Variants in MYH10 observed in about 807,000 individuals in gnomAD.
MYH10 encodes myosin-10.
A neutral mutation model predicts 257.8 loss-of-function variants in MYH10; 55 were observed. The ratio of observed to expected loss-of-function variants is 0.21; its 90% CI spans 0.17 to 0.27. The LOEUF is 0.27. Ranked by LOEUF, MYH10 falls within the 10% of genes least tolerant of loss-of-function variation. The pLI is 1.00. For missense variants in MYH10, 1,631 were observed against 2,500.6 expected (o/e 0.65, Z 7.42); for synonymous variants, 854 against 921.7 (o/e 0.93, Z 1.33).
Position 8,493,039 on chromosome 17 carries a change from C to T in MYH10, c.4210-15G>A, listed in dbSNP as rs780504653. On this transcript the variant is annotated splice_polypyrimidine_tract_variant and intron_variant, in intron 32 of 42. Transcript: ENST00000360416. ...GTATCAGCCAACTAGGTTTTGTGTA[C>T]GGACAAACAGAAAGCTCAGTATTAA... is the stretch of plus-strand genomic sequence containing the variant. 1.1e-5 allele frequency: 17 copies of T among 1,610,462 alleles called. No homozygotes were observed. Among genetic ancestry groups the T allele is most frequent in the Admixed American group, 6.7e-5 (4 of 59,316 alleles).
In MYH10 at chr17:8,574,884, T is replaced by C. The variant is rs554092560; in HGVS notation, c.663+1759A>G. On this transcript the variant is annotated intron_variant, in intron 6 of 42. Transcript: ENST00000360416. ...GGGGGAGAAGTAACTTCTTGAATGG[T>C]ACCCTTCCACGGTGTGACCATTCCG... is the stretch of plus-strand genomic sequence containing the variant. Among the ~76,000 whole-genome samples, 7 of 152,344 alleles carry C rather than the reference T, an allele frequency of 4.6e-5. No individual in the cohort carries two copies. In the South Asian group the frequency reaches 1.4e-3, roughly 32 times the overall value.
In MYH10 at chr17:8,493,028, G is replaced by C; in HGVS notation, c.4210-4C>G. 1 of 1,612,416 alleles carries C rather than the reference G, an allele frequency of 6.2e-7. No homozygotes were observed. Among genetic ancestry groups the C allele is most frequent in the Non-Finnish European group, 8.5e-7 (1 of 1,179,574 alleles). On this transcript the variant is annotated splice_polypyrimidine_tract_variant and splice_region_variant and intron_variant, in intron 32 of 42. Transcript: ENST00000360416. Reference sequence around the variant, plus strand: ...CTTTCTTCTTGGTATCAGCCAACTAGGTTTTGTGTACGGACAAACAGAAAG... The same window carrying C: ...CTTTCTTCTTGGTATCAGCCAACTACGTTTTGTGTACGGACAAACAGAAAG...
At chr17:8,528,296 T>G (rs1434842655) in intron 17 of MYH10, among the ~76,000 whole-genome samples, 1 of 152,196 alleles carries the variant, frequency 6.6e-6, no homozygotes, top group African/African-American at 2.4e-5. Context: ...CCATCACCCC[T>G]TTAGTCCAAA....
intron 4 of MYH10, among the ~76,000 whole-genome samples, chr17:8,588,718 T>C (rs1236133072): frequency 6.6e-6 from 1 of 152,270 alleles, no homozygotes; most frequent in Non-Finnish European, 1.5e-5. Flanking sequence ...GATATTGTTT[T>C]ATTCTGCTGT....
rs766409524 is a variant in MYH10 at position 8,508,697 on chromosome 17, T to G, written c.3091-20A>C. 1 of 1,612,984 alleles carries G rather than the reference T, an allele frequency of 6.2e-7. No individual in the cohort carries two copies. Among genetic ancestry groups the G allele is most frequent in the Non-Finnish European group, 8.5e-7 (1 of 1,179,380 alleles). ...CTTTTCCTGGACAGGAAAAATTGAC[T>G]GCTTCAGAAAAGCCATTCAGAATGA... is the stretch of plus-strand genomic sequence containing the variant. On this transcript the variant is annotated intron_variant, in intron 25 of 42. Coordinates refer to ENST00000360416, the MANE Select transcript of MYH10 (RefSeq NM_001256012.3).
intron 2 of MYH10, among the ~76,000 whole-genome samples, chr17:8,620,170 A>G (rs1284255071): frequency 6.6e-6 from 1 of 152,254 alleles, no homozygotes; most frequent in Non-Finnish European, 1.5e-5. Context: ...CAGACCACTC[A>G]TAAAAGCTGA....
At chr17:8,495,866 C>T (rs1345502092) in intron 30 of MYH10, among the ~76,000 whole-genome samples, 3 of 151,966 alleles carry the variant, frequency 2.0e-5, no homozygotes, top group East Asian at 1.9e-4. Context: ...CTTGCTACCG[C>T]GCCCGTCTAA....
At chr17:8,588,366 C>T (rs1372367222) in intron 4 of MYH10, among the ~76,000 whole-genome samples, 2 of 152,132 alleles carry the variant, frequency 1.3e-5, no homozygotes, top group Middle Eastern at 3.2e-3. Context: ...TGCAATGTGT[C>T]CTAAACCAAA....
intron 4 of MYH10, among the ~76,000 whole-genome samples, chr17:8,584,316 G>A (rs1043909084): frequency 8.5e-5 from 13 of 152,140 alleles, no homozygotes; most frequent in Non-Finnish European, 1.5e-4. Context: ...ATAAATGACT[G>A]AAAAAGTGAA....
At chr17:8,515,316 G>A (rs1186836027) in intron 21 of MYH10, among the ~76,000 whole-genome samples, 2 of 152,222 alleles carry the variant, frequency 1.3e-5, no homozygotes, top group Admixed American at 1.3e-4. Context: ...TCAGGAGTGG[G>A]AGTGTCTTAA....
At chr17:8,617,225 G>C (rs1317969119) in intron 2 of MYH10, among the ~76,000 whole-genome samples, 2 of 152,156 alleles carry the variant, frequency 1.3e-5, no homozygotes, top group Non-Finnish European at 2.9e-5. Flanking sequence ...AGGGTGAGAA[G>C]AGAAGGTCAG....
At chr17:8,500,260 T>G (rs1039190839) in intron 29 of MYH10, among the ~76,000 whole-genome samples, 2 of 152,110 alleles carry the variant, frequency 1.3e-5, no homozygotes, top group Non-Finnish European at 2.9e-5. Flanking sequence ...TGGGAAGTCA[T>G]GGAGGCCAGT....
chr17:8,545,412 A>T lies in MYH10; in HGVS notation c.1431+36T>A, dbSNP rs753657311. 6.2e-7 allele frequency: 1 copy of T among 1,607,068 alleles called. No homozygotes were observed. Among genetic ancestry groups the T allele is most frequent in the Admixed American group, 1.7e-5 (1 of 57,970 alleles). Reference sequence around the variant, plus strand: ...CATATTTGTTAAAAGAACAAACAAAAAGAAGGACGAGCTAGAGGAAGAGGG... The same window carrying T: ...CATATTTGTTAAAAGAACAAACAAATAGAAGGACGAGCTAGAGGAAGAGGG... On this transcript the variant is annotated intron_variant, in intron 13 of 42. Coordinates refer to ENST00000360416, the MANE Select transcript of MYH10 (RefSeq NM_001256012.3). The surrounding 1 kb of genome is among the most constrained non-coding windows in gnomAD (Gnocchi z 4.7).
chr17:8,506,232 G>T lies in MYH10; in HGVS notation c.3386+86C>A. The T allele has an allele frequency of 7.3e-7, 1 of 1,376,438 alleles. No individual in the cohort carries two copies. The allele number at this position is 1,376,438 out of a possible 1,614,324, so 85.3% of individuals were successfully genotyped here. The stretch of plus-strand genomic sequence containing the variant: ...AGCAAACCCCATCTCACTCTCCCAG[G>T]GTTTTTGAATGCTCCCGAACATAAC... On this transcript the variant is annotated intron_variant, in intron 27 of 42. Transcript: ENST00000360416. This position sits in a 1 kb window ranked among gnomAD's most constrained non-coding sequence, Gnocchi z 5.0.
chr17:8,498,178 G>A (rs1314957854), intron 30 of MYH10, among the ~76,000 whole-genome samples: 4 of 151,706 alleles, frequency 2.6e-5, no homozygotes, highest in Non-Finnish European at 5.9e-5. Flanking sequence ...AAGAGACAGG[G>A]TTTCGCCATG....
At position 8,623,252 on chromosome 17, in the gene MYH10, A is replaced by G; in HGVS notation, c.-6T>C. 1 of 1,565,706 alleles carries G rather than the reference A, an allele frequency of 6.4e-7. No homozygotes were observed. Among genetic ancestry groups the G allele is most frequent in the African/African-American group, 1.4e-5 (1 of 72,396 alleles). On this transcript the variant is annotated 5_prime_UTR_variant, in exon 2 of 43. Transcript: ENST00000360416. ...AGTCCAGTTCTCTGCGCCATTGTAA[A>G]TGGAACGATCCAAAAGCAATTGCCT...
At chr17:8,566,038 G>T (rs1260986742) in intron 7 of MYH10, among the ~76,000 whole-genome samples, 6 of 152,140 alleles carry the variant, frequency 3.9e-5, no homozygotes, top group African/African-American at 1.4e-4. Flanking sequence ...TGGGGACTGT[G>T]CCATGCATTG....
intron 7 of MYH10, among the ~76,000 whole-genome samples, chr17:8,558,563 T>C (rs1378410896): frequency 6.6e-6 from 1 of 152,238 alleles, no homozygotes; most frequent in Non-Finnish European, 1.5e-5. Context: ...CACTGCAATC[T>C]AATTTCAACT....
At chr17:8,599,125 A>G (rs187156455) in intron 3 of MYH10, among the ~76,000 whole-genome samples, 66 of 152,316 alleles carry the variant, frequency 4.3e-4, no homozygotes, top group Non-Finnish European at 2.1e-4. Flanking sequence ...CACAAACACT[A>G]ACCCATTTGG....
Sources: allele counts gnomAD v4.1 joint callset (sites outside exome capture counted in the v4.1 genomes callset), GRCh38; gene constraint gnomAD v4.1.1; non-coding constraint Gnocchi (gnomAD v3.1); transcripts MANE v1.5; gene names NCBI Gene and HGNC (gene_info 2026-07-23, HGNC 2026-07-21).